The following CAMTA1 variants were observed in gnomAD, a reference collection of about 807,000 sequenced individuals.
CAMTA1 encodes calmodulin-binding transcription activator 1.
In CAMTA1, 27 loss-of-function variants were observed where a neutral mutation model predicts 170.9. The ratio of observed to expected loss-of-function variants is 0.16; its 90% CI spans 0.12 to 0.22. CAMTA1 has a LOEUF of 0.22. CAMTA1 is among the 10% of genes least tolerant of loss of function. The pLI, the probability that CAMTA1 is intolerant of heterozygous loss-of-function variation, is 1.00. For synonymous variants in CAMTA1, 833 were observed against 891.5 expected (o/e 0.93, Z 1.17); for missense variants, 1,619 against 2,217.2 (o/e 0.73, Z 5.42).
At chr1:6,878,185 A>G (rs1487551810) in intron 3 of CAMTA1, among the ~76,000 whole-genome samples, 7 of 152,266 alleles carry the variant, frequency 4.6e-5, no homozygotes, top group Non-Finnish European at 1.0e-4. Context: ...ATGGTGGTAC[A>G]CCAAAGGGAA....
At chr1:6,940,306 TG>T (rs1340129638) in intron 3 of CAMTA1, among the ~76,000 whole-genome samples, 1 of 152,146 alleles carries the variant, frequency 6.6e-6, no homozygotes, top group African/African-American at 2.4e-5. Context: ...ACACCACTGG[TG>T]TAAGTCCCAG....
chr1:6,959,485 C>T (rs1439662120), intron 3 of CAMTA1, among the ~76,000 whole-genome samples: 1 of 140,638 alleles, frequency 7.1e-6, no homozygotes, highest in Non-Finnish European at 1.6e-5. Context: ...CGGGTGCCTA[C>T]CGGTGTACCG....
At chr1:7,031,672 T>A (rs1702818220) in intron 3 of CAMTA1, among the ~76,000 whole-genome samples, 1 of 152,142 alleles carries the variant, frequency 6.6e-6, no homozygotes, top group African/African-American at 2.4e-5. Flanking sequence ...CCAGAGTAGC[T>A]GGGACTACAG....
chr1:7,521,437 G>A lies in CAMTA1; in HGVS notation c.510+53536G>A, dbSNP rs563623143. ...TGATACAAGCCACCAGTCTCATTCC[G>A]TTTTCCCCATTTTTACTTGCATTTG... is the stretch of plus-strand genomic sequence containing the variant. On this transcript the variant is annotated intron_variant, in intron 6 of 22. Transcript: ENST00000303635. Among the ~76,000 whole-genome samples the A allele has an allele frequency of 7.2e-5, 11 of 151,946 alleles. No individual in the cohort carries two copies. In the South Asian group the frequency reaches 1.5e-3, roughly 20 times the overall value.
At chr1:6,809,006 C>T (rs1345881446) in intron 1 of CAMTA1, among the ~76,000 whole-genome samples, 2 of 151,174 alleles carry the variant, frequency 1.3e-5, no homozygotes, top group Non-Finnish European at 2.9e-5. Flanking sequence ...AAAGGTACCA[C>T]TGTTTTTCTT....
chr1:7,704,206 G>A (rs2096477722), intron 11 of CAMTA1, among the ~76,000 whole-genome samples: 2 of 147,780 alleles, frequency 1.4e-5, no homozygotes, highest in South Asian at 2.1e-4. Flanking sequence ...GCCCGAGCCC[G>A]GGAACGCGGG....
intron 7 of CAMTA1, among the ~76,000 whole-genome samples, chr1:7,660,213 C>A (rs138084500): frequency 1.8e-3 from 275 of 152,334 alleles, no homozygotes; most frequent in African/African-American, 5.1e-3. Context: ...GGATTACAGG[C>A]ATGTGCCACC....
At chr1:7,276,628 C>T (rs1432288593) in intron 5 of CAMTA1, among the ~76,000 whole-genome samples, 2 of 151,874 alleles carry the variant, frequency 1.3e-5, no homozygotes, top group East Asian at 3.9e-4. Flanking sequence ...TATTTAATAG[C>T]ATATTCTTGT....
At chr1:7,057,937 C>A (rs985087188) in intron 3 of CAMTA1, among the ~76,000 whole-genome samples, 5 of 152,108 alleles carry the variant, frequency 3.3e-5, no homozygotes, top group African/African-American at 1.2e-4. Context: ...GACACCAAGC[C>A]AGGCCAGGCC....
intron 6 of CAMTA1, among the ~76,000 whole-genome samples, chr1:7,499,872 TTG>T (rs1281287392): frequency 2.2e-5 from 3 of 133,894 alleles, no homozygotes; most frequent in African/African-American, 8.7e-5. Context: ...ATATAGAGGA[TTG>T]TGTGAGCCTG....
At position 7,652,844 on chromosome 1, in the gene CAMTA1, G is replaced by A. The variant is rs1289710969; in HGVS notation, c.665-8882G>A. 5.3e-5 allele frequency among the ~76,000 whole-genome samples: 8 copies of A among 152,040 alleles called. No individual in the cohort carries two copies. In the East Asian group the frequency reaches 5.8e-4, roughly 11 times the overall value. On this transcript the variant is annotated intron_variant, in intron 7 of 22. Coordinates refer to ENST00000303635, the MANE Select transcript of CAMTA1 (RefSeq NM_015215.4). ...GGCAGAGCTGAAAGCCAGGCAGGTC[G>A]CCCAGTGGAAAGAGCTTGAATCTGC...
intron 5 of CAMTA1, among the ~76,000 whole-genome samples, chr1:7,341,727 G>A (rs1049542002): frequency 3.3e-5 from 5 of 152,226 alleles, no homozygotes; most frequent in African/African-American, 1.2e-4. Flanking sequence ...TCTTCAGACA[G>A]TCTGGGCTCA....
rs966659588 is a variant in CAMTA1 at position 7,562,433 on chromosome 1, G to A, written c.511-77967G>A. On this transcript the variant is annotated intron_variant, in intron 6 of 22. Transcript: ENST00000303635. The surrounding 1 kb of genome is among the most constrained non-coding windows in gnomAD (Gnocchi z 4.8). Reference sequence around the variant, plus strand: ...AGCTAATTTAAGCTTTGTTTGCTGCGATGCTGGAACTTCTGCCTGGCTCTC... The same window carrying A: ...AGCTAATTTAAGCTTTGTTTGCTGCAATGCTGGAACTTCTGCCTGGCTCTC... Among the ~76,000 whole-genome samples the A allele has an allele frequency of 1.3e-5, 2 of 152,156 alleles. No individual in the cohort carries two copies. Among genetic ancestry groups the A allele is most frequent in the South Asian group, 2.1e-4 (1 of 4,828 alleles).
At position 7,682,153 on chromosome 1, in the gene CAMTA1, C is replaced by T. The variant is rs538091566; in HGVS notation, c.2914+4420C>T. Among the ~76,000 whole-genome samples, 2 of 152,272 alleles carry T rather than the reference C, an allele frequency of 1.3e-5. No homozygotes were observed. Among genetic ancestry groups the T allele is most frequent in the South Asian group, 4.1e-4 (2 of 4,824 alleles). On this transcript the variant is annotated intron_variant, in intron 11 of 22. Transcript: ENST00000303635. This position sits in a 1 kb window ranked among gnomAD's most constrained non-coding sequence, Gnocchi z 5.0. ...CTTGGCTGGTCTCCTGGGCAGGCCCCCTTCTGGCCTCAGGGGTGAGGGGGG... is the reference window on the plus strand; with the variant it reads ...CTTGGCTGGTCTCCTGGGCAGGCCCTCTTCTGGCCTCAGGGGTGAGGGGGG...
chr1:7,755,802 G>A lies in CAMTA1; in HGVS notation c.4989+134G>A, dbSNP rs1221518871. On this transcript the variant is annotated intron_variant, in intron 22 of 22. Coordinates refer to ENST00000303635, the MANE Select transcript of CAMTA1 (RefSeq NM_015215.4). ...TCCATTTTGAATGAATTAAAATCAA[G>A]TAAAAACTAACCCTAATTACTAACA... is the stretch of plus-strand genomic sequence containing the variant. 5.2e-6 allele frequency: 4 copies of A among 765,878 alleles called. No individual in the cohort carries two copies. The East Asian group carries it at 7.4e-5, about 14-fold the overall frequency. The allele number at this position is 765,878 out of a possible 1,614,324, so 47.4% of individuals were successfully genotyped here.
chr1:7,196,121 G>T (rs553075942), intron 4 of CAMTA1, among the ~76,000 whole-genome samples: 1 of 152,152 alleles, frequency 6.6e-6, no homozygotes, highest in Non-Finnish European at 1.5e-5. Context: ...CACGGGTCAG[G>T]TTTCCCCCTT....
chr1:7,235,619 T>A (rs918645129), intron 4 of CAMTA1, among the ~76,000 whole-genome samples: 1 of 152,174 alleles, frequency 6.6e-6, no homozygotes, highest in African/African-American at 2.4e-5. Context: ...AAAGCGAGAC[T>A]TTGTCTCCAA....
chr1:7,519,172 T>G, intron 6 of CAMTA1, among the ~76,000 whole-genome samples: 1 of 152,076 alleles, frequency 6.6e-6, no homozygotes. Flanking sequence ...ATTTACAAGG[T>G]GAGATGCCAG....
At chr1:7,612,866 G>A (rs1019851108) in intron 6 of CAMTA1, among the ~76,000 whole-genome samples, 97 of 152,320 alleles carry the variant, frequency 6.4e-4, no homozygotes, top group African/African-American at 2.0e-3. Flanking sequence ...AGAGGAAGGC[G>A]GTGGGAGTGA....
Sources: allele counts gnomAD v4.1 joint callset (sites outside exome capture counted in the v4.1 genomes callset), GRCh38; gene constraint gnomAD v4.1.1; non-coding constraint Gnocchi (gnomAD v3.1); transcripts MANE v1.5; gene names NCBI Gene and HGNC (gene_info 2026-07-23, HGNC 2026-07-21).